The following MYO18B variants were observed in gnomAD, a reference collection of about 807,000 sequenced individuals.
The protein encoded by MYO18B is unconventional myosin-XVIIIb.
A neutral mutation model predicts 273.0 loss-of-function variants in MYO18B; 204 were observed. The observed-to-expected ratio is 0.75, with a 90% CI of 0.67 to 0.84. The LOEUF is 0.84. MYO18B is among the 40% of genes least tolerant of loss of function. The pLI, the probability that MYO18B is intolerant of heterozygous loss-of-function variation, is 0.00. For synonymous variants in MYO18B, 1,330 were observed against 1,305.7 expected, an observed-to-expected ratio of 1.02 and a Z score of -0.40; for missense variants, 3,212 against 3,287.6, an observed-to-expected ratio of 0.98 and a Z score of 0.56.
chr22:26,034,338 G>A (rs961463528), downstream of MYO18B, among the ~76,000 whole-genome samples: 5 of 152,226 alleles, frequency 3.3e-5, no homozygotes, highest in Admixed American at 2.6e-4. Context: ...CCTGGGCTTT[G>A]CCACTTAGCC....
At chr22:25,848,870 C>T (rs879267873) in intron 20 of MYO18B, among the ~76,000 whole-genome samples, 7 of 152,128 alleles carry the variant, frequency 4.6e-5, no homozygotes, top group African/African-American at 7.2e-5. Context: ...TTAAAGTCTC[C>T]GTGGTCACTA....
chr22:25,808,430 A>G (rs1178444985), intron 12 of MYO18B, among the ~76,000 whole-genome samples: 3 of 152,120 alleles, frequency 2.0e-5, no homozygotes, highest in Non-Finnish European at 4.4e-5. Flanking sequence ...ATCTTTGTCA[A>G]AGTCAAACAG....
intron 34 of MYO18B, among the ~76,000 whole-genome samples, chr22:25,928,374 G>A (rs6004836): frequency 7.8e-5 from 11 of 140,406 alleles, no homozygotes; most frequent in African/African-American, 3.0e-4. Flanking sequence ...TTTGAGACCA[G>A]CCTGGGCAAC....
intron 11 of MYO18B, among the ~76,000 whole-genome samples, chr22:25,794,168 G>C (rs1316508156): frequency 6.6e-6 from 1 of 151,650 alleles, no homozygotes; most frequent in Non-Finnish European, 1.5e-5. Flanking sequence ...TCCTGACCTC[G>C]TGATCCACCC....
chr22:25,763,217 C>T lies in MYO18B; in HGVS notation c.40-14C>T. On this transcript the variant is annotated splice_polypyrimidine_tract_variant and intron_variant, in intron 2 of 43. Transcript: ENST00000335473. ...ACTCACTGAGCTCTCTCTTTCCTTG[C>T]TTCTGCAAAACAGATTCGGGAAGAG... The T allele has an allele frequency of 1.2e-6, 2 of 1,608,294 alleles. No homozygotes were observed. Among genetic ancestry groups the T allele is most frequent in the East Asian group, 4.5e-5 (2 of 44,724 alleles).
intron 43 of MYO18B, 50 bp from the exon 44 acceptor site, chr22:26,030,393 T>G (rs1254537513): frequency 6.5e-6 from 1 of 153,198 alleles, no homozygotes; most frequent in African/African-American, 2.4e-5. Context: ...AAGAAAAACC[T>G]TACCCATCCT....
At chr22:25,766,460 C>T (rs571800791) in intron 3 of MYO18B, among the ~76,000 whole-genome samples, 8 of 152,238 alleles carry the variant, frequency 5.3e-5, no homozygotes, top group East Asian at 1.9e-4. Context: ...CAGAATGGAA[C>T]GCAGAAGGTG....
At chr22:25,935,627 G>A (rs2092567653) in intron 34 of MYO18B, among the ~76,000 whole-genome samples, 2 of 152,110 alleles carry the variant, frequency 1.3e-5, no homozygotes, top group South Asian at 4.1e-4. Context: ...TTAGAAAAAT[G>A]GGGGTACTTG....
chr22:25,843,820 C>T lies in MYO18B; in HGVS notation c.3294C>T (p.Leu1098=), dbSNP rs2090155486. The T allele has an allele frequency of 6.2e-7, 1 of 1,613,768 alleles. No homozygotes were observed. ...QLGWDPVRYD[L]TGWLHRAKPN... ...GATGGGACCCTGTGCGGTACGACCT[C>T]ACGGGCTGGCTCCACAGAGCCAAGC... Residue 1098 remains leucine, a synonymous_variant, in exon 18 of 44, where the codon CTC becomes CTT. Coordinates refer to ENST00000335473, the MANE Select transcript of MYO18B (RefSeq NM_032608.7).
At chr22:26,001,282 A>G (rs1933927820) in intron 40 of MYO18B, among the ~76,000 whole-genome samples, 1 of 152,254 alleles carries the variant, frequency 6.6e-6, no homozygotes, top group Non-Finnish European at 1.5e-5. Flanking sequence ...CAAACTCTAA[A>G]TGAAGAGAGC....
intron 38 of MYO18B, among the ~76,000 whole-genome samples, chr22:25,953,272 G>A (rs535529491): frequency 6.6e-6 from 1 of 152,332 alleles, no homozygotes; most frequent in Admixed American, 6.5e-5. Context: ...ATACAGTCCT[G>A]TGAGGCAGGT....
intron 25 of MYO18B, among the ~76,000 whole-genome samples, chr22:25,889,683 G>A (rs1382851035): frequency 2.7e-5 from 4 of 150,118 alleles, no homozygotes; most frequent in Non-Finnish European, 4.4e-5. Flanking sequence ...TATTTCTCCC[G>A]TTACGTACTC....
chr22:25,816,520 T>C (rs2089018286), intron 12 of MYO18B, among the ~76,000 whole-genome samples: 1 of 88,104 alleles, frequency 1.1e-5, no homozygotes, highest in African/African-American at 4.6e-5. Flanking sequence ...CAGGCCCCAA[T>C]GTGTTGTGTT....
At chr22:25,954,450 A>G (rs1189240607) in intron 38 of MYO18B, among the ~76,000 whole-genome samples, 1 of 151,442 alleles carries the variant, frequency 6.6e-6, no homozygotes, top group African/African-American at 2.4e-5. Flanking sequence ...AAAAAAAAAA[A>G]GAATTAATAA....
In MYO18B at chr22:25,782,575, C is replaced by T. The variant is rs1227757208; in HGVS notation, c.2312+741C>T. ...TCCTCTCCCAGAGCCTTGGTTTCCT[C>T]CTCTGTTGGATGGATGGGCATGGTC... On this transcript the variant is annotated intron_variant, in intron 10 of 43. Transcript: ENST00000335473. 3.3e-5 allele frequency among the ~76,000 whole-genome samples: 5 copies of T among 152,190 alleles called. No homozygotes were observed. In the East Asian group the frequency reaches 5.8e-4, roughly 18 times the overall value.
At chr22:25,871,847 C>T (rs1758135734) in intron 22 of MYO18B, among the ~76,000 whole-genome samples, 2 of 152,164 alleles carry the variant, frequency 1.3e-5, no homozygotes, top group Admixed American at 6.5e-5. Context: ...TCTGCAAAGG[C>T]TTATTCCCAT....
intron 40 of MYO18B, among the ~76,000 whole-genome samples, chr22:25,996,636 A>G (rs995983195): frequency 1.3e-5 from 2 of 152,100 alleles, no homozygotes; most frequent in East Asian, 1.9e-4. Context: ...CGAGAATACA[A>G]TTGGAGTTAC....
At chr22:26,028,943 G>A (rs2147034613) in intron 43 of MYO18B, among the ~76,000 whole-genome samples, 1 of 151,562 alleles carries the variant, frequency 6.6e-6, no homozygotes, top group Non-Finnish European at 1.5e-5. Context: ...TTTATTGAGA[G>A]GACACATCAG....
intron 31 of MYO18B, among the ~76,000 whole-genome samples, chr22:25,904,719 T>C (rs1379399433): frequency 6.6e-5 from 10 of 152,132 alleles, no homozygotes; most frequent in Non-Finnish European, 1.3e-4. Context: ...TATAAATAAT[T>C]TGAGGCAGCT....
Sources: allele counts gnomAD v4.1 joint callset (sites outside exome capture counted in the v4.1 genomes callset), GRCh38; gene constraint gnomAD v4.1.1; transcripts MANE v1.5; gene names NCBI Gene and HGNC (gene_info 2026-07-23, HGNC 2026-07-21).